Variants in LRRC7 observed in about 807,000 individuals in gnomAD.
LRRC7 encodes leucine rich repeat containing 7, also known as leucine-rich repeat-containing protein 7.
Under a neutral mutation model 175.7 loss-of-function variants are expected in LRRC7, and 23 were observed. That is an observed-to-expected ratio of 0.13 (90% CI 0.09 to 0.19). The LOEUF is 0.19. LRRC7 is among the 10% of genes least tolerant of loss of function. The pLI is 1.00. For synonymous variants in LRRC7, 685 were observed against 680.9 expected, an observed-to-expected ratio of 1.01 and a Z score of -0.09; for missense variants, 1,354 against 1,904.7, an observed-to-expected ratio of 0.71 and a Z score of 5.38.
intron 2 of LRRC7, among the ~76,000 whole-genome samples, chr1:69,700,832 G>T (rs1170298176): frequency 2.0e-5 from 3 of 152,104 alleles, no homozygotes; most frequent in Non-Finnish European, 4.4e-5. Context: ...TTATTTCTCA[G>T]CAGAGAAATA....
Position 70,039,013 on chromosome 1 carries a change from A to T in LRRC7, c.3189A>T (p.Lys1063Asn), listed in dbSNP as rs781546681. Residue 1063 changes from lysine to asparagine, a missense_variant, in exon 21 of 27, where the codon AAA becomes AAT. Lys to Asn is a moderately conservative substitution (Grantham distance 94). Transcript: ENST00000651989. ...AACAACAAAAAGCTTCTATGACAAA[A>T]AAAGTCTATCAGTTTGACCAAAGCT... ...GPQQQKASMT[K>N]KVYQFDQSFN... is the part of the protein sequence containing the mutation. 1 of 1,614,052 alleles carries T rather than the reference A, an allele frequency of 6.2e-7. No homozygotes were observed. Among genetic ancestry groups the T allele is most frequent in the East Asian group, 2.2e-5 (1 of 44,826 alleles).
intron 5 of LRRC7, among the ~76,000 whole-genome samples, chr1:69,832,808 C>G (rs1358970749): frequency 6.6e-6 from 1 of 151,904 alleles, no homozygotes; most frequent in Non-Finnish European, 1.5e-5. Flanking sequence ...AAATGAAAAA[C>G]TAGAAACAAC....
At chr1:69,889,490 T>C (rs1645765950) in intron 7 of LRRC7, among the ~76,000 whole-genome samples, 1 of 152,226 alleles carries the variant, frequency 6.6e-6, no homozygotes, top group Admixed American at 6.5e-5. Context: ...ACAGCATCTT[T>C]ACCAGGAGTA....
chr1:69,744,468 T>A (rs1322960565), intron 2 of LRRC7, among the ~76,000 whole-genome samples: 1 of 151,904 alleles, frequency 6.6e-6, no homozygotes, highest in Non-Finnish European at 1.5e-5. Context: ...TTTGTCTCCA[T>A]CGATGTTCAT....
intron 25 of LRRC7, among the ~76,000 whole-genome samples, chr1:70,104,486 G>A (rs890612450): frequency 1.3e-5 from 2 of 152,160 alleles, no homozygotes; most frequent in African/African-American, 4.8e-5. Flanking sequence ...ATCAAACAAA[G>A]CAGTCATTGC....
intron 18 of LRRC7, among the ~76,000 whole-genome samples, chr1:70,035,106 T>C (rs1002258637): frequency 1.3e-5 from 2 of 152,188 alleles, no homozygotes; most frequent in Admixed American, 1.3e-4. Context: ...TATTTTACAT[T>C]AGTGCCCCAA....
intron 7 of LRRC7, among the ~76,000 whole-genome samples, chr1:69,897,820 G>T (rs1646023114): frequency 6.6e-6 from 1 of 152,168 alleles, no homozygotes; most frequent in African/African-American, 2.4e-5. Context: ...GGCCATTTTT[G>T]AAGAGTCTTT....
At chr1:69,924,717 C>T (rs572198825) in intron 7 of LRRC7, among the ~76,000 whole-genome samples, 1,832 of 152,086 alleles carry the variant, frequency 0.012, 35 homozygotes, top group African/African-American at 0.041. Flanking sequence ...AATGGGGTTT[C>T]CTAGATATAC....
chr1:69,683,889 G>A (rs1366084910), intron 2 of LRRC7, among the ~76,000 whole-genome samples: 4 of 151,830 alleles, frequency 2.6e-5, no homozygotes, highest in Non-Finnish European at 4.4e-5. Context: ...AATTGGAACT[G>A]GAAGCACTCC....
chr1:70,025,587 A>G (rs547731422), intron 17 of LRRC7, among the ~76,000 whole-genome samples: 331 of 152,196 alleles, frequency 2.2e-3, no homozygotes, highest in African/African-American at 7.7e-3. Context: ...CATTTTTCAC[A>G]TTTTAGCTCC....
chr1:69,835,113 A>T (rs1680956002), intron 6 of LRRC7, among the ~76,000 whole-genome samples: 1 of 152,022 alleles, frequency 6.6e-6, no homozygotes, highest in Admixed American at 6.6e-5. Context: ...ATAAAAAAAA[A>T]TAAAGCCAGA....
chr1:69,752,114 CT>C (rs561636682), intron 2 of LRRC7, among the ~76,000 whole-genome samples: 1 of 152,092 alleles, frequency 6.6e-6, no homozygotes, highest in Non-Finnish European at 1.5e-5. Flanking sequence ...TCAGATGCCC[CT>C]TTGGAGTACC....
intron 1 of LRRC7, among the ~76,000 whole-genome samples, chr1:69,674,400 C>A (rs1267331125): frequency 1.3e-5 from 2 of 152,026 alleles, no homozygotes; most frequent in African/African-American, 4.8e-5. Context: ...TTAAAATATT[C>A]TTTCATAAAG....
At chr1:70,040,889 A>G (rs577970358) in intron 21 of LRRC7, among the ~76,000 whole-genome samples, 38 of 152,248 alleles carry the variant, frequency 2.5e-4, no homozygotes, top group African/African-American at 8.9e-4. Context: ...AAAAAATCAT[A>G]TGATGCCTAG....
intron 2 of LRRC7, among the ~76,000 whole-genome samples, chr1:69,681,801 C>T (rs1660522347): frequency 1.3e-5 from 2 of 152,148 alleles, no homozygotes; most frequent in South Asian, 4.1e-4. Context: ...AGTCTGATTC[C>T]TGTCCAGTCA....
intron 7 of LRRC7, among the ~76,000 whole-genome samples, chr1:69,909,464 TG>T (rs1182146898): frequency 1.3e-5 from 2 of 152,144 alleles, no homozygotes; most frequent in African/African-American, 2.4e-5. Flanking sequence ...AGGGCAGGCC[TG>T]GGGGTGACAA....
chr1:69,963,004 CAAG>C lies in LRRC7; in HGVS notation c.712-17363_712-17361del, dbSNP rs1306342614. ...TAAAATAAAAGTTTTTAAAAAAAAA[CAAG>C]AAGAAGAAGAACAAGGGTCAGGCGC... On this transcript the variant is annotated intron_variant, in intron 8 of 26. Coordinates refer to ENST00000651989, the MANE Select transcript of LRRC7 (RefSeq NM_001370785.2). Among the ~76,000 whole-genome samples the C allele has an allele frequency of 7.9e-5, 12 of 151,828 alleles. No homozygotes were observed. In the South Asian group the frequency reaches 1.0e-3, roughly 13 times the overall value.
intron 7 of LRRC7, among the ~76,000 whole-genome samples, chr1:69,908,521 T>G (rs376098941): frequency 1.4e-5 from 2 of 143,398 alleles, no homozygotes; most frequent in African/African-American, 5.0e-5. Flanking sequence ...TTGTTATGTA[T>G]CCAGTAGTCA....
chr1:69,880,961 A>C (rs1488454642), intron 7 of LRRC7, among the ~76,000 whole-genome samples: 2 of 152,230 alleles, frequency 1.3e-5, no homozygotes, highest in African/African-American at 4.8e-5. Flanking sequence ...TTGACTTATA[A>C]ATCTGCTTCC....
Sources: gnomAD v4.1 joint callset for allele counts (sites outside exome capture counted in the v4.1 genomes callset) on GRCh38, gnomAD v4.1.1 for gene constraint, MANE v1.5 for transcripts, NCBI Gene and HGNC (gene_info 2026-07-23, HGNC 2026-07-21) for gene names.